ARHGEF10: variants seen among roughly 807,000 people sequenced by gnomAD.
ARHGEF10 encodes the protein Rho guanine nucleotide exchange factor (GEF) 10.
Under a neutral mutation model 147.4 loss-of-function variants are expected in ARHGEF10, and 140 were observed. The observed-to-expected ratio is 0.95, with a 90% confidence interval of 0.83 to 1.09. The LOEUF (loss-of-function observed/expected upper bound fraction) is 1.09, where lower values mean the gene tolerates loss of function less well. Ranked by LOEUF, ARHGEF10 falls within the 50% of genes least tolerant of loss-of-function variation. The pLI, the probability that ARHGEF10 is intolerant of heterozygous loss-of-function variation, is 0.00. For missense variants in ARHGEF10, 2,222 were observed against 1,752.7 expected, an observed-to-expected ratio of 1.27 and a Z score of -4.78; for synonymous variants, 902 against 695.8, an observed-to-expected ratio of 1.30 and a Z score of -4.67.
At chr8:1,932,643 C>T (rs984251309) in intron 25 of ARHGEF10, among the ~76,000 whole-genome samples, 2 of 152,196 alleles carry the variant, frequency 1.3e-5, no homozygotes, top group Non-Finnish European at 2.9e-5. Flanking sequence ...TAATAATTAC[C>T]CTACAACACT....
chr8:1,911,645 A>G (rs1444790699), intron 18 of ARHGEF10, among the ~76,000 whole-genome samples: 1 of 152,170 alleles, frequency 6.6e-6, no homozygotes, highest in African/African-American at 2.4e-5. Flanking sequence ...GTCTGGATTC[A>G]TCCAGGGTGG....
At chr8:1,908,462 G>A (rs1811088832) in intron 17 of ARHGEF10, among the ~76,000 whole-genome samples, 1 of 152,118 alleles carries the variant, frequency 6.6e-6, no homozygotes, top group Admixed American at 6.5e-5. Context: ...TCAATCTCCT[G>A]ACCTTGTGAT....
intron 7 of ARHGEF10, 23 bp from the exon 8 acceptor site, chr8:1,876,547 TC>T (rs1297758637): frequency 7.4e-6 from 12 of 1,612,560 alleles, no homozygotes; most frequent in African/African-American, 1.3e-5. Flanking sequence ...AGTTTTAATT[TC>T]ATTTTGGAAT....
chr8:1,856,201 C>T (rs745549370), intron 2 of ARHGEF10, among the ~76,000 whole-genome samples: 4 of 152,220 alleles, frequency 2.6e-5, no homozygotes, highest in African/African-American at 7.2e-5. Context: ...TCCTATCAGA[C>T]GTATGTTTTA....
rs1453280396 is a variant in ARHGEF10 at position 1,938,560 on chromosome 8, CAT to C, written c.3222+4620_3222+4621del. Among the ~76,000 whole-genome samples, 11 of 152,172 alleles carry C rather than the reference CAT, an allele frequency of 7.2e-5. No individual in the cohort carries two copies. In the East Asian group the frequency reaches 1.7e-3, roughly 24 times the overall value. On this transcript the variant is annotated intron_variant, in intron 26 of 28. Coordinates refer to ENST00000349830, the MANE Select transcript of ARHGEF10 (RefSeq NM_014629.4). ...ATTAAAGATGACCTAAATAGTGCAA[CAT>C]AGTGATTTGCTGCAGCAATGCGTTT...
At chr8:1,894,369 CTG>C in intron 12 of ARHGEF10, 22 bp from the exon 13 acceptor site, 1 of 1,613,940 alleles carries the variant, frequency 6.2e-7, no homozygotes, top group East Asian at 2.2e-5. Flanking sequence ...AAAGTCTGAA[CTG>C]TCTTTGCTCA....
At chr8:1,944,479 G>A (rs182303504) in intron 26 of ARHGEF10, among the ~76,000 whole-genome samples, 84 of 152,356 alleles carry the variant, frequency 5.5e-4, no homozygotes, top group African/African-American at 1.9e-3. Context: ...CTCTGGGCGC[G>A]GCGTAGTGCC....
At chr8:1,877,237 C>CT (rs989170523) in intron 8 of ARHGEF10, among the ~76,000 whole-genome samples, 3 of 151,784 alleles carry the variant, frequency 2.0e-5, no homozygotes, top group African/African-American at 4.8e-5. Context: ...TTTTCTTTTT[C>CT]TTTTTTTTGA....
chr8:1,922,390 G>C (rs1037267524), intron 18 of ARHGEF10, among the ~76,000 whole-genome samples: 2 of 152,072 alleles, frequency 1.3e-5, no homozygotes, highest in Non-Finnish European at 2.9e-5. Flanking sequence ...ACTAATAGCT[G>C]TTATGTCAAC....
chr8:1,833,414 G>GCAGAGA (rs67976871), intron 1 of ARHGEF10, among the ~76,000 whole-genome samples: 1 of 147,226 alleles, frequency 6.8e-6, no homozygotes, highest in Non-Finnish European at 1.5e-5. Context: ...AGAGACAGAG[G>GCAGAGA]CAGAGACAGA....
intron 1 of ARHGEF10, among the ~76,000 whole-genome samples, chr8:1,833,124 A>ACAGAAG (rs1803339102): frequency 6.8e-6 from 1 of 146,710 alleles, no homozygotes; most frequent in South Asian, 2.2e-4. Context: ...GCAGAGAGAG[A>ACAGAAG]CAGAGGCAGA....
intron 2 of ARHGEF10, among the ~76,000 whole-genome samples, chr8:1,855,220 A>T (rs934356583): frequency 1.5e-4 from 23 of 152,194 alleles, no homozygotes; most frequent in Admixed American, 1.0e-3. Flanking sequence ...TTATAGACTC[A>T]TGTCTAGGTG....
At chr8:1,845,502 A>G (rs1165223497) in intron 2 of ARHGEF10, among the ~76,000 whole-genome samples, 1 of 152,224 alleles carries the variant, frequency 6.6e-6, no homozygotes, top group Non-Finnish European at 1.5e-5. Context: ...AAAGTTAAAA[A>G]TGAAAGAAAG....
rs1392424480 is a variant in ARHGEF10 at position 1,824,087 on chromosome 8, A to C, written c.-74A>C. The C allele has an allele frequency of 3.3e-5, 5 of 150,836 alleles. No homozygotes were observed. The highest frequency in any genetic ancestry group is 9.8e-5 in the African/African-American group (4 of 40,746). 9.3% of individuals were successfully genotyped at this position (150,836 alleles called of 1,614,324 possible). A position where few individuals can be genotyped will look rare whatever the true frequency, so the allele number is the denominator to read the frequency against. Reference sequence around the variant, plus strand: ...GGGGGACGGCGGGGAACAGCAGGGGACTGCGGGTCGCGTCCTGGCCGCCGA... The same window carrying C: ...GGGGGACGGCGGGGAACAGCAGGGGCCTGCGGGTCGCGTCCTGGCCGCCGA... On this transcript the variant is annotated 5_prime_UTR_variant, in exon 1 of 29. Transcript: ENST00000349830.
At position 1,864,561 on chromosome 8, in the gene ARHGEF10, C is replaced by A. The variant is rs527611046; in HGVS notation, c.545+125C>A. Reference sequence around the variant, plus strand: ...CTCTGCGCGGCGGGAGCTGTCCCAACCCCACCTCCTGCCTCGGGTCCCTCC... The same window carrying A: ...CTCTGCGCGGCGGGAGCTGTCCCAAACCCACCTCCTGCCTCGGGTCCCTCC... On this transcript the variant is annotated intron_variant, in intron 5 of 28. Transcript: ENST00000349830. The A allele has an allele frequency of 1.8e-4, 169 of 943,070 alleles. No homozygotes were observed. In the African/African-American group the frequency reaches 2.5e-3, roughly 14 times the overall value. The allele number at this position is 943,070 out of a possible 1,614,324, so 58.4% of individuals were successfully genotyped here. A position where few individuals can be genotyped will look rare whatever the true frequency, so the allele number is the denominator to read the frequency against.
chr8:1,921,753 A>G (rs34414764), intron 18 of ARHGEF10, among the ~76,000 whole-genome samples: 28,337 of 151,870 alleles, frequency 0.19, 2,945 homozygotes, highest in South Asian at 0.24. Context: ...AAGAAAAAAG[A>G]AAAAACAGAA....
intron 4 of ARHGEF10, 79 bp downstream of exon 4, chr8:1,860,263 T>C: frequency 1.4e-6 from 2 of 1,465,170 alleles, no homozygotes; most frequent in Non-Finnish European, 1.9e-6. Flanking sequence ...GGCCTGTGGT[T>C]CCCTCCTCTG....
intron 7 of ARHGEF10, among the ~76,000 whole-genome samples, chr8:1,871,798 C>G (rs1478325074): frequency 6.6e-6 from 1 of 152,110 alleles, no homozygotes; most frequent in East Asian, 1.9e-4. Context: ...GCCTGGGCAA[C>G]AGAGCGAGAC....
chr8:1,829,910 G>T (rs1347888763), intron 1 of ARHGEF10, among the ~76,000 whole-genome samples: 1 of 152,202 alleles, frequency 6.6e-6, no homozygotes, highest in African/African-American at 2.4e-5. Context: ...TGATTTAATA[G>T]GAAGGAATGA....
Sources: gnomAD v4.1 joint callset for allele counts (sites outside exome capture counted in the v4.1 genomes callset) on GRCh38, gnomAD v4.1.1 for gene constraint, MANE v1.5 for transcripts, NCBI Gene and HGNC (gene_info 2026-07-23, HGNC 2026-07-21) for gene names.